FAM53A: variants seen among roughly 807,000 people sequenced by gnomAD.
FAM53A encodes the protein family with sequence similarity 53 member A.
FAM53A carries 28 observed loss-of-function variants against 26.6 expected under a neutral mutation model. That is an observed-to-expected ratio of 1.05 (90% CI 0.78 to 1.45). FAM53A has a LOEUF of 1.45. Ranked by LOEUF, FAM53A falls within the 40% of genes most tolerant of loss-of-function variation. The pLI, the probability that FAM53A is intolerant of heterozygous loss-of-function variation, is 0.00. For synonymous variants in FAM53A, 290 were observed against 253.1 expected, an observed-to-expected ratio of 1.15 and a Z score of -1.38; for missense variants, 650 against 575.8, an observed-to-expected ratio of 1.13 and a Z score of -1.32.
the FAM53A span, among the ~76,000 whole-genome samples, chr4:1,583,788 T>A: frequency 6.6e-6 from 1 of 152,228 alleles, no homozygotes; most frequent in Admixed American, 6.5e-5. Context: ...CAGCTTGCTT[T>A]CCAGGAGACG....
At chr4:1,635,902 G>T (rs4295326), downstream of FAM53A, among the ~76,000 whole-genome samples, 1 of 143,100 alleles carries the variant, frequency 7.0e-6, no homozygotes, top group Non-Finnish European at 1.5e-5. Context: ...GGAGTGCAGT[G>T]GCGCGATCTC....
chr4:1,575,265 G>T, the FAM53A span, among the ~76,000 whole-genome samples: 1 of 152,182 alleles, frequency 6.6e-6, no homozygotes, highest in African/African-American at 2.4e-5. Flanking sequence ...GATGCTGTGT[G>T]GACTCAGGTC....
intron 4 of FAM53A, among the ~76,000 whole-genome samples, chr4:1,643,493 G>A (rs944499185): frequency 2.6e-5 from 4 of 151,276 alleles, no homozygotes; most frequent in Non-Finnish European, 4.4e-5. Context: ...GACAAAAGAC[G>A]AATTGACATA....
At chr4:1,679,030 A>G (rs547123418) in intron 1 of FAM53A, among the ~76,000 whole-genome samples, 10 of 152,368 alleles carry the variant, frequency 6.6e-5, no homozygotes, top group East Asian at 1.9e-4. Flanking sequence ...GTTGAACTTC[A>G]TTAAAATTAA....
chr4:1,668,202 C>G (rs912856314), intron 2 of FAM53A, among the ~76,000 whole-genome samples: 1 of 151,320 alleles, frequency 6.6e-6, no homozygotes, highest in African/African-American at 2.4e-5. Flanking sequence ...TGCAGTGGAG[C>G]GATCTCGGCT....
intron 1 of FAM53A, among the ~76,000 whole-genome samples, chr4:1,675,574 T>C (rs991766882): frequency 1.3e-5 from 2 of 152,158 alleles, no homozygotes; most frequent in Non-Finnish European, 2.9e-5. Flanking sequence ...ACTGGTGACT[T>C]AGCCGACAAC....
At chr4:1,623,270 GA>G (rs1715130958) in intron 1 of FAM53A, among the ~76,000 whole-genome samples, 1 of 152,220 alleles carries the variant, frequency 6.6e-6, no homozygotes, top group Non-Finnish European at 1.5e-5. Context: ...CCCCCGACGT[GA>G]AAGGCAGCTG....
At chr4:1,622,922 T>C (rs1007354116) in intron 1 of FAM53A, among the ~76,000 whole-genome samples, 1 of 152,216 alleles carries the variant, frequency 6.6e-6, no homozygotes, top group African/African-American at 2.4e-5. Context: ...ACGGCCAGCA[T>C]GAACCTCACG....
chr4:1,615,506 C>T (rs567232788), downstream of FAM53A, among the ~76,000 whole-genome samples: 55 of 142,044 alleles, frequency 3.9e-4, no homozygotes, highest in Non-Finnish European at 5.0e-4. Flanking sequence ...TGGGCACGCA[C>T]GGAAGACAGG....
intron 1 of FAM53A, among the ~76,000 whole-genome samples, chr4:1,672,579 C>T (rs73075622): frequency 2.9e-4 from 44 of 152,186 alleles, no homozygotes; most frequent in African/African-American, 1.0e-3. Flanking sequence ...CCGCAGAGAA[C>T]GTATGGCGAG....
the FAM53A span, among the ~76,000 whole-genome samples, chr4:1,595,682 G>T: frequency 6.6e-6 from 1 of 152,252 alleles, no homozygotes; most frequent in Non-Finnish European, 1.5e-5. Flanking sequence ...AGCACCGCGG[G>T]AAGCGCCAGC....
At chr4:1,685,508 TG>T (rs1418038187), upstream of FAM53A, among the ~76,000 whole-genome samples, 1 of 152,070 alleles carries the variant, frequency 6.6e-6, no homozygotes, top group Non-Finnish European at 1.5e-5. Context: ...GCAGCACCCC[TG>T]GGGCTGGATG....
At chr4:1,593,482 A>C in the FAM53A span, among the ~76,000 whole-genome samples, 7 of 152,122 alleles carry the variant, frequency 4.6e-5, no homozygotes, top group Non-Finnish European at 7.4e-5. Flanking sequence ...AAAGAGCCCA[A>C]ACAAAGAAGT....
the FAM53A span, among the ~76,000 whole-genome samples, chr4:1,588,126 C>A: frequency 6.6e-6 from 1 of 152,238 alleles, no homozygotes; most frequent in Non-Finnish European, 1.5e-5. Flanking sequence ...TGCTTTCATG[C>A]CCGCCTTTTC....
chr4:1,629,140 A>G (rs1402325662), intron 1 of FAM53A, among the ~76,000 whole-genome samples: 1 of 151,924 alleles, frequency 6.6e-6, no homozygotes, highest in Non-Finnish European at 1.5e-5. Flanking sequence ...AGCTGGGAAG[A>G]GGAAGGAGCA....
intron 4 of FAM53A, among the ~76,000 whole-genome samples, chr4:1,652,458 A>C (rs961326737): frequency 2.1e-5 from 3 of 146,324 alleles, no homozygotes; most frequent in African/African-American, 7.6e-5. Context: ...CACCCACCCC[A>C]CACACACGAC....
intron 1 of FAM53A, among the ~76,000 whole-genome samples, chr4:1,620,900 C>T (rs1387063324): frequency 2.0e-5 from 3 of 152,038 alleles, no homozygotes; most frequent in East Asian, 1.9e-4. Context: ...AGGCTGGGAT[C>T]GGGTCCCCAG....
intron 3 of FAM53A, 45 bp from the exon 4 acceptor site, chr4:1,655,768 C>T: frequency 6.7e-7 from 1 of 1,489,162 alleles, no homozygotes; most frequent in Admixed American, 2.2e-5. Flanking sequence ...ACAGGTGAGC[C>T]ACAGGGCAGG....
chr4:1,591,459 C>G, the FAM53A span, among the ~76,000 whole-genome samples: 1 of 152,132 alleles, frequency 6.6e-6, no homozygotes, highest in African/African-American at 2.4e-5. Flanking sequence ...CACATGTACC[C>G]CATGACATTC....
Sources: allele counts gnomAD v4.1 joint callset (sites outside exome capture counted in the v4.1 genomes callset), GRCh38; gene constraint gnomAD v4.1.1; transcripts MANE v1.5; gene names NCBI Gene and HGNC (gene_info 2026-07-23, HGNC 2026-07-21).